FNDC3A: variants seen among roughly 807,000 people sequenced by gnomAD.
FNDC3A encodes the protein fibronectin type III domain containing 3A, also known as fibronectin type-III domain-containing protein 3A.
FNDC3A carries 32 observed loss-of-function variants against 148.9 expected under a neutral mutation model. That is an observed-to-expected ratio of 0.21 (90% CI 0.16 to 0.29). The LOEUF (loss-of-function observed/expected upper bound fraction) is 0.29, where lower values mean the gene tolerates loss of function less well. Ranked by LOEUF, FNDC3A falls within the 10% of genes least tolerant of loss-of-function variation. The probability of loss-of-function intolerance (pLI) is 1.00; values close to 1 mark genes in which losing one functional copy is unlikely to be tolerated. For synonymous variants in FNDC3A, 472 were observed against 473.6 expected, an observed-to-expected ratio of 1.00 and a Z score of 0.04; for missense variants, 1,191 against 1,452.8, an observed-to-expected ratio of 0.82 and a Z score of 2.93.
intron 1 of FNDC3A, among the ~76,000 whole-genome samples, chr13:48,997,475 C>T (rs774652493): frequency 3.3e-5 from 5 of 152,122 alleles, no homozygotes; most frequent in Non-Finnish European, 7.4e-5. Context: ...GCCCTAACCA[C>T]CAATGTGACA....
chr13:49,057,594 A>G (rs1329161327), intron 2 of FNDC3A, among the ~76,000 whole-genome samples: 1 of 152,098 alleles, frequency 6.6e-6, no homozygotes, highest in African/African-American at 2.4e-5. Context: ...TCCAATATTC[A>G]TGTTGCCATT....
chr13:49,172,717 G>T (rs1181744892), intron 11 of FNDC3A, among the ~76,000 whole-genome samples: 14 of 152,072 alleles, frequency 9.2e-5, no homozygotes, highest in Non-Finnish European at 2.9e-5. Flanking sequence ...TCCAGGATAA[G>T]CTCCTATCTC....
chr13:49,003,752 T>C (rs2137593366), intron 1 of FNDC3A, among the ~76,000 whole-genome samples: 1 of 152,274 alleles, frequency 6.6e-6, no homozygotes, highest in Admixed American at 6.5e-5. Flanking sequence ...AATTAAAATA[T>C]TAGACCTACC....
At chr13:49,033,616 C>T (rs1874285369) in intron 2 of FNDC3A, among the ~76,000 whole-genome samples, 1 of 151,802 alleles carries the variant, frequency 6.6e-6, no homozygotes. Flanking sequence ...GCTGTTGGTA[C>T]CTGTGGAAGC....
chr13:49,138,879 G>C, intron 7 of FNDC3A, 74 bp downstream of exon 7: 2 of 838,772 alleles, frequency 2.4e-6, no homozygotes, highest in South Asian at 4.1e-5. Context: ...TCAAAATGTA[G>C]TTTTTTTCTT....
At chr13:49,001,148 A>G (rs942601836) in intron 1 of FNDC3A, among the ~76,000 whole-genome samples, 2 of 152,234 alleles carry the variant, frequency 1.3e-5, no homozygotes, top group South Asian at 2.1e-4. Flanking sequence ...TGAAGATTTC[A>G]TGGACATTTA....
At chr13:49,019,917 A>T (rs1016743746) in intron 2 of FNDC3A, among the ~76,000 whole-genome samples, 3 of 152,204 alleles carry the variant, frequency 2.0e-5, no homozygotes, top group African/African-American at 4.8e-5. Flanking sequence ...CTCATTTGGT[A>T]TAACTTGTTC....
chr13:49,200,335 A>G (rs951685578), intron 23 of FNDC3A, among the ~76,000 whole-genome samples: 6 of 152,326 alleles, frequency 3.9e-5, no homozygotes, highest in Middle Eastern at 3.4e-3. Flanking sequence ...CAGTAAGAAC[A>G]TTACACAGAA....
chr13:49,174,298 C>T, intron 11 of FNDC3A, 137 bp from the exon 12 acceptor site: 1 of 608,272 alleles, frequency 1.6e-6, no homozygotes, highest in Non-Finnish European at 2.9e-6. Flanking sequence ...AAAAGATGTG[C>T]TGTATCTCAG....
At chr13:49,126,884 CCAG>C (rs903780051) in intron 4 of FNDC3A, among the ~76,000 whole-genome samples, 1 of 152,110 alleles carries the variant, frequency 6.6e-6, no homozygotes, top group Non-Finnish European at 1.5e-5. Flanking sequence ...TTACAAATAT[CCAG>C]CAAGTGATAC....
At chr13:48,976,836 C>G (rs1951612090) in intron 1 of FNDC3A, 1 of 152,248 alleles carries the variant, frequency 6.6e-6, no homozygotes, top group African/African-American at 2.4e-5. Context: ...GAGGTGGACT[C>G]GAGGCTGCAG....
intron 3 of FNDC3A, among the ~76,000 whole-genome samples, chr13:49,091,230 T>G (rs1879170959): frequency 6.6e-6 from 1 of 150,582 alleles, no homozygotes. Context: ...AAAAAAAGAT[T>G]ACAAGGCATA....
chr13:48,997,773 T>A (rs1952049875), intron 1 of FNDC3A, among the ~76,000 whole-genome samples: 1 of 152,162 alleles, frequency 6.6e-6, no homozygotes, highest in African/African-American at 2.4e-5. Context: ...TGTAGTAGCC[T>A]AAGTTCAGTA....
At position 49,007,027 on chromosome 13, in the gene FNDC3A, A is replaced by G. The variant is rs1333699070; in HGVS notation, c.99+738A>G. ...CTCATTTAATTCTTTCAACAATTCTATGAGGTAGGTACACCTGCCCTTATT... is the reference window on the plus strand; with the variant it reads ...CTCATTTAATTCTTTCAACAATTCTGTGAGGTAGGTACACCTGCCCTTATT... On this transcript the variant is annotated intron_variant, in intron 2 of 25. Transcript: ENST00000492622. Among the ~76,000 whole-genome samples the G allele has an allele frequency of 4.6e-5, 7 of 152,060 alleles. No homozygotes were observed. The East Asian group carries it at 1.2e-3, about 25-fold the overall frequency.
intron 13 of FNDC3A, 42 bp downstream of exon 13, chr13:49,175,583 T>G (rs1884988230): frequency 7.2e-7 from 1 of 1,394,372 alleles, no homozygotes; most frequent in African/African-American, 1.5e-5. Flanking sequence ...TTTAAAACAT[T>G]TTCAGCTTAA....
At chr13:49,088,537 G>T (rs908875636) in intron 3 of FNDC3A, among the ~76,000 whole-genome samples, 2 of 152,140 alleles carry the variant, frequency 1.3e-5, no homozygotes, top group Non-Finnish European at 2.9e-5. Context: ...AGAATGAGTG[G>T]TCAATTCTCA....
At chr13:49,136,230 T>C in intron 5 of FNDC3A, 102 bp from the exon 6 acceptor site, 5 of 1,015,886 alleles carry the variant, frequency 4.9e-6, no homozygotes, top group Non-Finnish European at 7.0e-6. Context: ...AAATATTTTA[T>C]AAAAGTTTTA....
chr13:49,034,224 G>A (rs974233891), intron 2 of FNDC3A, among the ~76,000 whole-genome samples: 1 of 151,952 alleles, frequency 6.6e-6, no homozygotes, highest in Non-Finnish European at 1.5e-5. Context: ...TTATAAATCT[G>A]GAAATTTTCA....
At chr13:49,012,805 A>ATGTGTGTGTGTGTGTGTGTGTGTGTGTG (rs61137549) in intron 2 of FNDC3A, among the ~76,000 whole-genome samples, 5 of 134,524 alleles carry the variant, frequency 3.7e-5, no homozygotes, top group East Asian at 2.2e-4. Context: ...GCAATTATAA[A>ATGTGTGTGTGTGTGTGTGTGTGTGTGTG]TGTGTGTGTG....
Sources: allele counts gnomAD v4.1 joint callset (sites outside exome capture counted in the v4.1 genomes callset), GRCh38; gene constraint gnomAD v4.1.1; transcripts MANE v1.5; gene names NCBI Gene and HGNC (gene_info 2026-07-23, HGNC 2026-07-21).